Variants in RPS6KC1 observed in about 807,000 individuals in gnomAD.
RPS6KC1 encodes inactive ribosomal protein S6 kinase delta-1.
RPS6KC1 carries 54 observed loss-of-function variants against 103.8 expected under a neutral mutation model. That is an observed-to-expected ratio of 0.52 (90% CI 0.42 to 0.65). RPS6KC1 has a LOEUF of 0.65. RPS6KC1 is among the 30% of genes least tolerant of loss of function. RPS6KC1 has a pLI of 0.00. For synonymous variants in RPS6KC1, 439 were observed against 438.7 expected (o/e 1.00, Z -0.01); for missense variants, 1,151 against 1,253.8 (o/e 0.92, Z 1.24).
chr1:213,768,042 A>G, the RPS6KC1 span, among the ~76,000 whole-genome samples: 1 of 152,202 alleles, frequency 6.6e-6, no homozygotes, highest in African/African-American at 2.4e-5. Context: ...TTGAGCCTAC[A>G]TATCTCATTA....
chr1:213,457,628 T>C, the RPS6KC1 span, among the ~76,000 whole-genome samples: 2 of 152,212 alleles, frequency 1.3e-5, no homozygotes, highest in Non-Finnish European at 2.9e-5. Context: ...TCAAGTTAAG[T>C]AGAAGCCTGT....
At chr1:213,371,151 T>C in the RPS6KC1 span, among the ~76,000 whole-genome samples, 4 of 152,092 alleles carry the variant, frequency 2.6e-5, no homozygotes, top group African/African-American at 4.8e-5. Context: ...TTCTACCTGC[T>C]GGCCCTGTGA....
chr1:213,393,500 A>G, the RPS6KC1 span, among the ~76,000 whole-genome samples: 1 of 152,194 alleles, frequency 6.6e-6, no homozygotes, highest in Admixed American at 6.5e-5. Flanking sequence ...TGCTGCTCAC[A>G]GGCAATTTAA....
chr1:213,090,575 TTCTTTGGA>T (rs2080873322), intron 3 of RPS6KC1, among the ~76,000 whole-genome samples: 1 of 152,234 alleles, frequency 6.6e-6, no homozygotes, highest in South Asian at 2.1e-4. Flanking sequence ...TTCATACAGT[TTCTTTGGA>T]GGGCAATTTG....
chr1:213,212,570 C>T (rs1407460672), intron 8 of RPS6KC1, among the ~76,000 whole-genome samples: 1 of 152,154 alleles, frequency 6.6e-6, no homozygotes, highest in South Asian at 2.1e-4. Flanking sequence ...TGTGGACATG[C>T]ATTTTCAGCT....
chr1:213,702,663 A>C, the RPS6KC1 span, among the ~76,000 whole-genome samples: 1 of 152,024 alleles, frequency 6.6e-6, no homozygotes, highest in South Asian at 2.1e-4. Context: ...ATCATTATAT[A>C]GTGTAATTCT....
intron 3 of RPS6KC1, among the ~76,000 whole-genome samples, chr1:213,103,518 G>A (rs942653710): frequency 6.6e-6 from 1 of 152,084 alleles, no homozygotes; most frequent in Non-Finnish European, 1.5e-5. Flanking sequence ...TTTAGTTATC[G>A]TGAAATAGAC....
the RPS6KC1 span, among the ~76,000 whole-genome samples, chr1:213,742,245 G>A: frequency 1.3e-5 from 2 of 152,314 alleles, no homozygotes; most frequent in East Asian, 1.9e-4. Flanking sequence ...TGATTCTGGT[G>A]GGTATAATCG....
chr1:213,165,150 A>G (rs2090846423), intron 6 of RPS6KC1, among the ~76,000 whole-genome samples: 1 of 152,020 alleles, frequency 6.6e-6, no homozygotes, highest in South Asian at 2.1e-4. Flanking sequence ...TTCAAGAGAT[A>G]GTTTTTATTC....
the RPS6KC1 span, among the ~76,000 whole-genome samples, chr1:213,379,284 A>C: frequency 6.6e-6 from 1 of 152,310 alleles, no homozygotes; most frequent in East Asian, 1.9e-4. Flanking sequence ...GAGTCATTAC[A>C]GATATAATTA....
intron 12 of RPS6KC1, among the ~76,000 whole-genome samples, chr1:213,260,204 G>C (rs2094752255): frequency 1.3e-5 from 2 of 152,200 alleles, no homozygotes; most frequent in Non-Finnish European, 1.5e-5. Flanking sequence ...TCACATACTA[G>C]TTCGAATTAG....
the RPS6KC1 span, among the ~76,000 whole-genome samples, chr1:213,726,317 C>G: frequency 1.3e-5 from 2 of 152,180 alleles, no homozygotes; most frequent in African/African-American, 2.4e-5. Flanking sequence ...CCAAACAACC[C>G]TCCTTCCTTG....
the RPS6KC1 span, among the ~76,000 whole-genome samples, chr1:213,688,201 C>G: frequency 6.6e-6 from 1 of 152,194 alleles, no homozygotes; most frequent in African/African-American, 2.4e-5. Flanking sequence ...GGAAGTAGTT[C>G]TTCCTCCGTC....
the RPS6KC1 span, among the ~76,000 whole-genome samples, chr1:213,488,101 A>G: frequency 0.27 from 41,521 of 152,082 alleles, 6,023 homozygotes; most frequent in Admixed American, 0.36. Flanking sequence ...TCTTTCTTCT[A>G]TAACACTCTT....
the RPS6KC1 span, among the ~76,000 whole-genome samples, chr1:213,749,462 T>TG: frequency 6.6e-6 from 1 of 152,142 alleles, no homozygotes; most frequent in Non-Finnish European, 1.5e-5. Context: ...AGCCAAAGAC[T>TG]GGGGCATACA....
At chr1:213,299,631 A>G in the RPS6KC1 span, among the ~76,000 whole-genome samples, 1 of 151,960 alleles carries the variant, frequency 6.6e-6, no homozygotes, top group African/African-American at 2.4e-5. Flanking sequence ...AAAATATAAA[A>G]AGAAATAAAG....
chr1:213,441,762 T>G, the RPS6KC1 span, among the ~76,000 whole-genome samples: 2 of 152,196 alleles, frequency 1.3e-5, no homozygotes, highest in Admixed American at 1.3e-4. Flanking sequence ...ATGCAGTTTT[T>G]TTGAGTTCTA....
At chr1:213,762,280 T>C in the RPS6KC1 span, among the ~76,000 whole-genome samples, 2 of 152,078 alleles carry the variant, frequency 1.3e-5, no homozygotes, top group East Asian at 3.9e-4. Flanking sequence ...CAGCACAGAG[T>C]TTAGTGCACC....
chr1:213,616,056 C>T, the RPS6KC1 span, among the ~76,000 whole-genome samples: 3 of 152,250 alleles, frequency 2.0e-5, no homozygotes, highest in African/African-American at 7.2e-5. Context: ...GTCCCTTCTC[C>T]TCCCTCACAG....
Sources: gnomAD v4.1 joint callset for allele counts (sites outside exome capture counted in the v4.1 genomes callset) on GRCh38, gnomAD v4.1.1 for gene constraint, MANE v1.5 for transcripts, NCBI Gene and HGNC (gene_info 2026-07-23, HGNC 2026-07-21) for gene names.